The following ENOX2 variants were observed in gnomAD, a reference collection of about 807,000 sequenced individuals.
ENOX2 encodes the protein ecto-NOX disulfide-thiol exchanger 2, also known as APK1 antigen.
In ENOX2, 36 loss-of-function variants were observed where a neutral mutation model predicts 45.0. The observed-to-expected ratio is 0.80, with a 90% CI of 0.61 to 1.06. ENOX2 has a LOEUF of 1.06. ENOX2 is among the 50% of genes least tolerant of loss of function. The probability of loss-of-function intolerance (pLI) is 0.00; values close to 1 mark genes in which losing one functional copy is unlikely to be tolerated. For synonymous variants in ENOX2, 174 were observed against 152.3 expected (o/e 1.14, Z -1.05); for missense variants, 423 against 462.5 (o/e 0.91, Z 0.78).
At chrX:130,733,028 A>G (rs894826303) in intron 3 of ENOX2, among the ~76,000 whole-genome samples, 1 of 112,272 alleles carries the variant, frequency 8.9e-6, no homozygotes, top group Admixed American at 9.5e-5. Context: ...GTGGGTCTAC[A>G]TCAAACTAAA....
chrX:130,849,416 G>A (rs1049441212), intron 2 of ENOX2, among the ~76,000 whole-genome samples: 3 of 112,057 alleles, frequency 2.7e-5, no homozygotes, highest in African/African-American at 9.7e-5. Context: ...AAAAGGATTA[G>A]AGTGCTTTAA....
chrX:130,685,370 T>C (rs181674112), intron 5 of ENOX2, among the ~76,000 whole-genome samples: 4 of 111,826 alleles, frequency 3.6e-5, no homozygotes, highest in East Asian at 2.8e-4. Context: ...GGGTTCTGAG[T>C]AGAGGAATTA....
intron 5 of ENOX2, among the ~76,000 whole-genome samples, chrX:130,684,760 A>G (rs1172219690): frequency 8.9e-6 from 1 of 111,847 alleles, no homozygotes; most frequent in African/African-American, 3.2e-5. Context: ...TTAAAAGGTA[A>G]TAACTCCAGT....
chrX:130,902,764 G>C (rs959185588), intron 1 of ENOX2, among the ~76,000 whole-genome samples: 25 of 105,041 alleles, frequency 2.4e-4, no homozygotes, highest in Non-Finnish European at 4.3e-4. Flanking sequence ...CAGAGCCAGG[G>C]GGAGGGGGGC....
chrX:130,645,614 G>T (rs1427117985), intron 10 of ENOX2: 3 of 373,848 alleles, frequency 8.0e-6, no homozygotes, highest in Non-Finnish European at 1.4e-5. Context: ...AGACTGGGCC[G>T]CAGGCCATGG....
chrX:130,697,186 A>G (rs186134255), intron 4 of ENOX2, among the ~76,000 whole-genome samples: 1 of 111,041 alleles, frequency 9.0e-6, no homozygotes, highest in African/African-American at 3.3e-5. Flanking sequence ...CACTGTTCTT[A>G]GTTCTTTCAT....
intron 6 of ENOX2, among the ~76,000 whole-genome samples, chrX:130,677,590 T>A (rs754280413): frequency 1.4e-4 from 16 of 111,082 alleles, no homozygotes; most frequent in Non-Finnish European, 2.5e-4. Context: ...TCATGAAGTC[T>A]CTGTCCTCAT....
At chrX:130,741,596 T>C (rs932622569) in intron 3 of ENOX2, among the ~76,000 whole-genome samples, 1 of 111,648 alleles carries the variant, frequency 9.0e-6, no homozygotes, top group Non-Finnish European at 1.9e-5. Context: ...AGGAAAACCC[T>C]GGCTTGAGAG....
chrX:130,658,026 T>C (rs1414978707), intron 9 of ENOX2, among the ~76,000 whole-genome samples: 3 of 111,776 alleles, frequency 2.7e-5, no homozygotes, highest in Non-Finnish European at 5.7e-5. Context: ...AAGAGTTCTT[T>C]TGTCTGAAAA....
At chrX:130,775,012 T>G (rs904340352) in intron 3 of ENOX2, among the ~76,000 whole-genome samples, 3 of 112,309 alleles carry the variant, frequency 2.7e-5, no homozygotes, top group Admixed American at 9.4e-5. Context: ...AGAAGAAATT[T>G]CCATTGTGTT....
chrX:130,776,250 G>A (rs758143777), intron 3 of ENOX2, among the ~76,000 whole-genome samples: 3 of 111,466 alleles, frequency 2.7e-5, no homozygotes, highest in South Asian at 3.8e-4. Context: ...CAATAATCAC[G>A]AAATTGAAAG....
chrX:130,684,383 G>C (rs1485363713), intron 5 of ENOX2, among the ~76,000 whole-genome samples: 1 of 112,191 alleles, frequency 8.9e-6, no homozygotes, highest in Non-Finnish European at 1.9e-5. Context: ...TTATAAACTG[G>C]TAGTCTGTCC....
chrX:130,895,305 T>C (rs1287446571), intron 2 of ENOX2, among the ~76,000 whole-genome samples: 2 of 111,488 alleles, frequency 1.8e-5, no homozygotes, highest in Admixed American at 1.9e-4. Flanking sequence ...CCTAGTGAAG[T>C]ATGTTTGAGG....
At chrX:130,807,260 GTAT>G (rs1290371381) in intron 2 of ENOX2, among the ~76,000 whole-genome samples, 1 of 112,028 alleles carries the variant, frequency 8.9e-6, no homozygotes, top group Non-Finnish European at 1.9e-5. Flanking sequence ...AAAAATATTC[GTAT>G]GGTTGCTTTA....
intron 3 of ENOX2, among the ~76,000 whole-genome samples, chrX:130,736,996 C>T (rs777208386): frequency 8.9e-6 from 1 of 112,287 alleles, no homozygotes; most frequent in East Asian, 2.8e-4. Context: ...TACAACCAAA[C>T]TACTGAGTGA....
chrX:130,637,513 GTT>G, intron 10 of ENOX2, 103 bp from the exon 11 acceptor site: 2 of 642,199 alleles, frequency 3.1e-6, no homozygotes, highest in Middle Eastern at 9.1e-4. Flanking sequence ...AGAACTTCAG[GTT>G]TGAGTTGGCC....
intron 6 of ENOX2, among the ~76,000 whole-genome samples, chrX:130,673,895 T>A (rs895038043): frequency 8.9e-6 from 1 of 112,293 alleles, no homozygotes; most frequent in African/African-American, 3.2e-5. Flanking sequence ...GATTATCCAA[T>A]GTGAAGGAAA....
chrX:130,771,164 T>C (rs1159445392), intron 3 of ENOX2, among the ~76,000 whole-genome samples: 1 of 112,446 alleles, frequency 8.9e-6, no homozygotes, highest in Non-Finnish European at 1.9e-5. Context: ...CAGAAATCTC[T>C]GTGCCATCTT....
At chrX:130,879,785 T>C (rs1415021261) in intron 2 of ENOX2, among the ~76,000 whole-genome samples, 1 of 112,096 alleles carries the variant, frequency 8.9e-6, no homozygotes, top group Non-Finnish European at 1.9e-5. Flanking sequence ...AGGATCCTGA[T>C]CAGAGTGAAC....
Sources: gnomAD v4.1 joint callset for allele counts (sites outside exome capture counted in the v4.1 genomes callset) on GRCh38, gnomAD v4.1.1 for gene constraint, MANE v1.5 for transcripts, NCBI Gene and HGNC (gene_info 2026-07-23, HGNC 2026-07-21) for gene names.